Variants in EPB41L4A observed in about 807,000 individuals in gnomAD.
EPB41L4A encodes band 4.1-like protein 4A.
A neutral mutation model predicts 108.6 loss-of-function variants in EPB41L4A; 100 were observed. The observed-to-expected ratio is 0.92, with a 90% CI of 0.78 to 1.09. The LOEUF is 1.09. Among genes scored for constraint, EPB41L4A ranks in the 50% least tolerant of loss-of-function variants. The pLI is 0.00. For synonymous variants in EPB41L4A, 319 were observed against 289.0 expected, an observed-to-expected ratio of 1.10 and a Z score of -1.05; for missense variants, 1,030 against 842.7, an observed-to-expected ratio of 1.22 and a Z score of -2.75.
In EPB41L4A at chr5:112,156,506, T is replaced by C. The variant is rs77691041; in HGVS notation, n.994+1895A>G. Among the ~76,000 whole-genome samples, 514 of 152,290 alleles carry C rather than the reference T, an allele frequency of 3.4e-3. 6 individuals carry two copies. The highest frequency in any genetic ancestry group is 0.012 in the African/African-American group (492 of 41,558). ...AATCCTTTCTTTATCCCGTTTTTTGTTCTATTGAGGCCCTCAAAGGATTAA... is the reference window on the plus strand; with the variant it reads ...AATCCTTTCTTTATCCCGTTTTTTGCTCTATTGAGGCCCTCAAAGGATTAA... On this transcript the variant is annotated intron_variant and non_coding_transcript_variant, in intron 12 of 13. Transcript: ENST00000507810.
intron 1 of EPB41L4A, among the ~76,000 whole-genome samples, chr5:112,336,613 T>G (rs1185290673): frequency 6.6e-6 from 1 of 152,172 alleles, no homozygotes; most frequent in African/African-American, 2.4e-5. Flanking sequence ...AATTAGGGCT[T>G]ACCACTGAGT....
At chr5:112,326,645 C>A (rs867516080) in intron 1 of EPB41L4A, among the ~76,000 whole-genome samples, 1 of 152,196 alleles carries the variant, frequency 6.6e-6, no homozygotes, top group Non-Finnish European at 1.5e-5. Flanking sequence ...TACTTCGGCA[C>A]TCCTAAAAAG....
exon 14 of EPB41L4A, chr5:112,143,399 G>A (rs1239466274): frequency 6.6e-6 from 1 of 152,248 alleles, no homozygotes; most frequent in African/African-American, 2.4e-5. Context: ...ATACCAAAAT[G>A]ATCTGTTTTT....
intron 1 of EPB41L4A, among the ~76,000 whole-genome samples, chr5:112,375,325 A>T (rs549940437): frequency 0.013 from 1,727 of 134,220 alleles, 23 homozygotes; most frequent in South Asian, 0.039. Flanking sequence ...TCTCTCTCGC[A>T]CACACACACA....
chr5:112,289,828 G>A (rs571025842), intron 2 of EPB41L4A, among the ~76,000 whole-genome samples: 15 of 152,052 alleles, frequency 9.9e-5, no homozygotes, highest in African/African-American at 1.7e-4. Flanking sequence ...GCAGATCCAC[G>A]AGCAAAATGT....
chr5:112,158,861 G>C (rs924707933), downstream of EPB41L4A, among the ~76,000 whole-genome samples: 31 of 151,462 alleles, frequency 2.0e-4, no homozygotes, highest in Non-Finnish European at 3.2e-4. Context: ...AATGAGATTT[G>C]GGTGAGGACA....
Position 112,259,409 on chromosome 5 carries a change from A to G in EPB41L4A, c.732-117T>C, listed in dbSNP as rs916876439. The G allele has an allele frequency of 9.0e-6, 7 of 773,758 alleles. No individual in the cohort carries two copies. The South Asian group carries it at 1.0e-4, about 12-fold the overall frequency. The allele number at this position is 773,758 out of a possible 1,614,324, so 47.9% of individuals were successfully genotyped here. On this transcript the variant is annotated intron_variant, in intron 8 of 22. Coordinates refer to ENST00000261486, the MANE Select transcript of EPB41L4A (RefSeq NM_022140.5). ...TACTGGCTCCTTTATATACTGCTCCATACCCAGTACATACAGCGACAGAGA... is the reference window on the plus strand; with the variant it reads ...TACTGGCTCCTTTATATACTGCTCCGTACCCAGTACATACAGCGACAGAGA...
At chr5:112,402,541 G>A (rs1167914459) in intron 1 of EPB41L4A, among the ~76,000 whole-genome samples, 2 of 151,886 alleles carry the variant, frequency 1.3e-5, no homozygotes, top group African/African-American at 4.8e-5. Flanking sequence ...TACTAAAATT[G>A]GAATATACAG....
chr5:112,318,784 G>A (rs959164083), intron 1 of EPB41L4A, among the ~76,000 whole-genome samples: 1 of 152,188 alleles, frequency 6.6e-6, no homozygotes, highest in East Asian at 1.9e-4. Flanking sequence ...CTCTCACAAA[G>A]AAGAGTTAAA....
chr5:112,167,855 G>C (rs1306408257), intron 22 of EPB41L4A, among the ~76,000 whole-genome samples: 1 of 152,096 alleles, frequency 6.6e-6, no homozygotes, highest in Admixed American at 6.6e-5. Flanking sequence ...AACAAAAAGG[G>C]CCATACATGA....
chr5:112,404,630 T>A (rs886418203), intron 1 of EPB41L4A, among the ~76,000 whole-genome samples: 4 of 152,224 alleles, frequency 2.6e-5, no homozygotes, highest in Non-Finnish European at 5.9e-5. Flanking sequence ...ATTCTCTCCT[T>A]CTTCCACTAC....
At chr5:112,309,474 T>C (rs1426419833) in intron 1 of EPB41L4A, among the ~76,000 whole-genome samples, 1 of 152,184 alleles carries the variant, frequency 6.6e-6, no homozygotes, top group East Asian at 1.9e-4. Flanking sequence ...GAGGTGTAGA[T>C]ACTAAGATAT....
intron 7 of EPB41L4A, among the ~76,000 whole-genome samples, chr5:112,261,711 A>AT (rs753443639): frequency 1.1e-4 from 16 of 152,322 alleles, no homozygotes; most frequent in Non-Finnish European, 1.9e-4. Flanking sequence ...TAATGCAGTG[A>AT]TACCTACAGT....
intron 4 of EPB41L4A, among the ~76,000 whole-genome samples, chr5:112,271,103 G>T (rs977798428): frequency 3.3e-5 from 5 of 152,152 alleles, no homozygotes; most frequent in African/African-American, 1.2e-4. Flanking sequence ...TCAGCACACT[G>T]TAACATGGTA....
intron 2 of EPB41L4A, among the ~76,000 whole-genome samples, chr5:112,299,273 A>C (rs899563368): frequency 1.3e-5 from 2 of 152,152 alleles, no homozygotes; most frequent in Non-Finnish European, 2.9e-5. Context: ...TTTTTGATAC[A>C]GGCATTTAAG....
rs1288251868 is a variant in EPB41L4A at position 112,275,321 on chromosome 5, T to C, written c.335+5A>G. 1 of 1,544,584 alleles carries C rather than the reference T, an allele frequency of 6.5e-7. No individual in the cohort carries two copies. Among genetic ancestry groups the C allele is most frequent in the East Asian group, 2.4e-5 (1 of 42,028 alleles). On this transcript the variant is annotated splice_donor_5th_base_variant and intron_variant, in intron 4 of 22. Coordinates refer to ENST00000261486, the MANE Select transcript of EPB41L4A (RefSeq NM_022140.5). The stretch of plus-strand genomic sequence containing the variant: ...ATCTGTTCAAAAACAAAGTCAATAC[T>C]ATACCTGGTTATTTCTTCTTTAAGT...
chr5:112,318,539 C>T (rs759006456), intron 1 of EPB41L4A, among the ~76,000 whole-genome samples: 6 of 152,194 alleles, frequency 3.9e-5, no homozygotes, highest in Non-Finnish European at 8.8e-5. Flanking sequence ...TGAATGAACA[C>T]ATTTTTGGCC....
At chr5:112,390,290 A>C (rs967375094) in intron 1 of EPB41L4A, among the ~76,000 whole-genome samples, 26 of 152,186 alleles carry the variant, frequency 1.7e-4, no homozygotes, top group Non-Finnish European at 3.7e-4. Context: ...TCCCTTTCCT[A>C]GCCAAGGGAA....
At chr5:112,301,779 A>G (rs892130813) in intron 2 of EPB41L4A, among the ~76,000 whole-genome samples, 12 of 152,154 alleles carry the variant, frequency 7.9e-5, no homozygotes, top group Non-Finnish European at 1.2e-4. Flanking sequence ...TGCTGTTTTA[A>G]TTAATTGTAT....
Sources: gnomAD v4.1 joint callset for allele counts (sites outside exome capture counted in the v4.1 genomes callset) on GRCh38, gnomAD v4.1.1 for gene constraint, MANE v1.5 for transcripts, NCBI Gene and HGNC (gene_info 2026-07-23, HGNC 2026-07-21) for gene names.